SLC14A2: variants seen among roughly 807,000 people sequenced by gnomAD.
The protein encoded by SLC14A2 is solute carrier family 14 member 2.
In SLC14A2, 91 loss-of-function variants were observed where a neutral mutation model predicts 104.6. The ratio of observed to expected loss-of-function variants is 0.87; its 90% CI spans 0.73 to 1.04. The LOEUF is 1.04. Ranked by LOEUF, SLC14A2 falls within the 50% of genes least tolerant of loss-of-function variation. The pLI, the probability that SLC14A2 is intolerant of heterozygous loss-of-function variation, is 0.00. For missense variants in SLC14A2, 1,189 were observed against 1,156.0 expected (o/e 1.03, Z -0.41); for synonymous variants, 476 against 466.4 (o/e 1.02, Z -0.27).
In SLC14A2 at chr18:45,616,058, C is replaced by T. The variant is rs140040597; in HGVS notation, c.-35+476C>T. Among the ~76,000 whole-genome samples the T allele has an allele frequency of 2.4e-3, 367 of 152,250 alleles. 2 individuals carry two copies. The highest frequency in any genetic ancestry group is 8.6e-3 in the African/African-American group (356 of 41,538). On this transcript the variant is annotated intron_variant, in intron 1 of 19. Transcript: ENST00000255226. ...GTAGCTGTGGGACCTCAGGAGGCCA[C>T]CTGCCCAGAACAGTGGCACACACTG...
chr18:45,491,871 C>T (rs2043008464), intron 2 of SLC14A2, among the ~76,000 whole-genome samples: 1 of 152,212 alleles, frequency 6.6e-6, no homozygotes, highest in Admixed American at 6.5e-5. Flanking sequence ...GGGTCCCAGC[C>T]AGCACCAGCT....
At chr18:45,427,703 G>A (rs1371300122) in intron 1 of SLC14A2, among the ~76,000 whole-genome samples, 2 of 152,148 alleles carry the variant, frequency 1.3e-5, no homozygotes, top group African/African-American at 4.8e-5. Flanking sequence ...CAGGGCTCTT[G>A]TGAGAATTAA....
chr18:45,439,334 G>T (rs540135105), intron 1 of SLC14A2, among the ~76,000 whole-genome samples: 2 of 152,246 alleles, frequency 1.3e-5, no homozygotes, highest in East Asian at 3.9e-4. Context: ...TCACCATGTT[G>T]TTAACTTAGA....
chr18:45,525,732 A>G (rs1281782198), intron 2 of SLC14A2, among the ~76,000 whole-genome samples: 1 of 152,110 alleles, frequency 6.6e-6, no homozygotes, highest in Admixed American at 6.6e-5. Context: ...GCAGGAGTGT[A>G]TTTTCTGTTT....
rs558999283 is a variant in SLC14A2 at position 45,551,064 on chromosome 18, T to C, written c.-35+67742T>C. Among the ~76,000 whole-genome samples, 65 of 152,282 alleles carry C rather than the reference T, an allele frequency of 4.3e-4. 3 individuals are homozygous for C. The South Asian group carries it at 0.011, about 27-fold the overall frequency. The stretch of plus-strand genomic sequence containing the variant: ...GATGTCCCTAGAGTAAGGAAAAACA[T>C]GGGCCTAGAACCAATAATTAATCAA... On this transcript the variant is annotated intron_variant, in intron 2 of 20. Coordinates refer to the SLC14A2 transcript ENST00000586448.
chr18:45,425,874 A>G (rs1056498887), intron 1 of SLC14A2, among the ~76,000 whole-genome samples: 4 of 151,562 alleles, frequency 2.6e-5, no homozygotes, highest in African/African-American at 9.7e-5. Context: ...ATTTTTTTTT[A>G]AAGGGAGGGG....
At chr18:45,645,139 A>G (rs1246994208) in intron 10 of SLC14A2, among the ~76,000 whole-genome samples, 1 of 152,142 alleles carries the variant, frequency 6.6e-6, no homozygotes, top group Admixed American at 6.5e-5. Context: ...TTCCTGTGTT[A>G]GTTTGCTGAG....
At chr18:45,205,750 C>T in the SLC14A2 span, among the ~76,000 whole-genome samples, 1 of 152,222 alleles carries the variant, frequency 6.6e-6, no homozygotes, top group South Asian at 2.1e-4. Flanking sequence ...CAAGGCCTTA[C>T]AGAATGGTCC....
intron 1 of SLC14A2, among the ~76,000 whole-genome samples, chr18:45,354,666 G>A (rs1475650932): frequency 2.0e-5 from 3 of 152,204 alleles, no homozygotes; most frequent in African/African-American, 7.2e-5. Context: ...CAAAGCCACT[G>A]CTCTGGTAAA....
intron 2 of SLC14A2, among the ~76,000 whole-genome samples, chr18:45,549,436 G>C (rs2044022739): frequency 6.6e-6 from 1 of 152,216 alleles, no homozygotes; most frequent in Non-Finnish European, 1.5e-5. Context: ...CCTCAGTGCA[G>C]CCCCAGCTCT....
chr18:45,393,105 G>GAA (rs2085989572), intron 1 of SLC14A2, among the ~76,000 whole-genome samples: 1 of 152,170 alleles, frequency 6.6e-6, no homozygotes, highest in Non-Finnish European at 1.5e-5. Context: ...TAAAGAGGGA[G>GAA]AAAAGTCTCC....
At chr18:45,573,889 A>C (rs1385033736) in intron 2 of SLC14A2, among the ~76,000 whole-genome samples, 1 of 152,262 alleles carries the variant, frequency 6.6e-6, no homozygotes. Context: ...ACAGTGTTGA[A>C]ACCTTATTAA....
At chr18:45,462,195 A>T (rs2087058268) in intron 1 of SLC14A2, among the ~76,000 whole-genome samples, 1 of 152,214 alleles carries the variant, frequency 6.6e-6, no homozygotes, top group African/African-American at 2.4e-5. Flanking sequence ...AAATATTTTC[A>T]TACTACTCTA....
chr18:45,177,559 T>C, the SLC14A2 span, among the ~76,000 whole-genome samples: 1 of 152,174 alleles, frequency 6.6e-6, no homozygotes, highest in Non-Finnish European at 1.5e-5. Flanking sequence ...GCATCTGGAA[T>C]GCTCTCCCTC....
intron 1 of SLC14A2, among the ~76,000 whole-genome samples, chr18:45,428,196 T>C (rs1431524129): frequency 2.6e-5 from 4 of 152,190 alleles, no homozygotes; most frequent in African/African-American, 9.6e-5. Context: ...CAAGGAGCCC[T>C]AGCCTGGGAA....
intron 1 of SLC14A2, among the ~76,000 whole-genome samples, chr18:45,384,281 C>A (rs542162462): frequency 6.6e-6 from 1 of 152,114 alleles, no homozygotes; most frequent in Non-Finnish European, 1.5e-5. Context: ...GCTCACCTCC[C>A]GCAGTTGGTG....
intron 1 of SLC14A2, among the ~76,000 whole-genome samples, chr18:45,453,651 T>C (rs2086891890): frequency 6.6e-6 from 1 of 152,072 alleles, no homozygotes; most frequent in African/African-American, 2.4e-5. Flanking sequence ...TCTTGAGTAT[T>C]TTTGTGATCC....
At chr18:45,235,674 G>C (rs1018973272) in intron 1 of SLC14A2, among the ~76,000 whole-genome samples, 5 of 151,504 alleles carry the variant, frequency 3.3e-5, no homozygotes, top group Non-Finnish European at 7.4e-5. Flanking sequence ...AACGTGTGAT[G>C]TTTGTGTTTC....
At chr18:45,393,557 A>C (rs1781207165) in intron 1 of SLC14A2, among the ~76,000 whole-genome samples, 1 of 152,218 alleles carries the variant, frequency 6.6e-6, no homozygotes, top group African/African-American at 2.4e-5. Context: ...GGCACATGGA[A>C]ATACTCAAAA....
Sources: gnomAD v4.1 joint callset for allele counts (sites outside exome capture counted in the v4.1 genomes callset) on GRCh38, gnomAD v4.1.1 for gene constraint, MANE v1.5 for transcripts, NCBI Gene and HGNC (gene_info 2026-07-23, HGNC 2026-07-21) for gene names.